The following GRID2 variants were observed in gnomAD, a reference collection of about 807,000 sequenced individuals.
The protein encoded by GRID2 is glutamate receptor ionotropic, delta-2.
A neutral mutation model predicts 114.8 loss-of-function variants in GRID2; 33 were observed. The observed-to-expected ratio is 0.29, with a 90% CI of 0.22 to 0.38. GRID2 has a LOEUF of 0.38. Ranked by LOEUF, GRID2 falls within the 10% of genes least tolerant of loss-of-function variation. The pLI, the probability that GRID2 is intolerant of heterozygous loss-of-function variation, is 1.00. For synonymous variants in GRID2, 505 were observed against 449.9 expected (o/e 1.12, Z -1.55); for missense variants, 1,184 against 1,257.7 (o/e 0.94, Z 0.89).
chr4:92,782,927 T>C (rs745797390), intron 2 of GRID2, among the ~76,000 whole-genome samples: 2 of 152,020 alleles, frequency 1.3e-5, no homozygotes, highest in Non-Finnish European at 2.9e-5. Flanking sequence ...GAACAGAAAA[T>C]GATACCTGTT....
At chr4:93,344,683 T>C (rs1760021730) in intron 8 of GRID2, among the ~76,000 whole-genome samples, 1 of 149,270 alleles carries the variant, frequency 6.7e-6, no homozygotes, top group Admixed American at 6.7e-5. Flanking sequence ...TATATTATTA[T>C]TAACTATAGT....
intron 8 of GRID2, among the ~76,000 whole-genome samples, chr4:93,309,600 G>C (rs1755796468): frequency 6.6e-6 from 1 of 152,000 alleles, no homozygotes; most frequent in South Asian, 2.1e-4. Flanking sequence ...TGAAACTGGA[G>C]AGTCTGCTGC....
At chr4:93,687,567 G>A (rs1189470979) in intron 14 of GRID2, among the ~76,000 whole-genome samples, 2 of 151,976 alleles carry the variant, frequency 1.3e-5, no homozygotes, top group African/African-American at 4.8e-5. Flanking sequence ...ATAGCACCCA[G>A]AGGGCACTTG....
chr4:92,665,761 G>C (rs907628917), intron 2 of GRID2, among the ~76,000 whole-genome samples: 4 of 150,214 alleles, frequency 2.7e-5, no homozygotes, highest in Non-Finnish European at 5.9e-5. Flanking sequence ...TTGCCTTCTA[G>C]ACTGCAGTTT....
At chr4:93,107,806 A>C (rs1732393770) in intron 3 of GRID2, among the ~76,000 whole-genome samples, 1 of 152,116 alleles carries the variant, frequency 6.6e-6, no homozygotes, top group African/African-American at 2.4e-5. Context: ...AATTTAAAAC[A>C]TGCAATCAAA....
intron 2 of GRID2, among the ~76,000 whole-genome samples, chr4:92,745,225 A>G (rs563844717): frequency 1.3e-5 from 2 of 152,340 alleles, no homozygotes; most frequent in African/African-American, 4.8e-5. Context: ...GAAATGACAA[A>G]GTTAAGTGAT....
At chr4:93,689,641 A>G (rs2110111435) in intron 14 of GRID2, among the ~76,000 whole-genome samples, 1 of 152,116 alleles carries the variant, frequency 6.6e-6, no homozygotes, top group Admixed American at 6.6e-5. Flanking sequence ...AAATTACCCT[A>G]TGTAAATACT....
chr4:92,974,122 CA>C (rs1753699319), intron 2 of GRID2, among the ~76,000 whole-genome samples: 1 of 152,152 alleles, frequency 6.6e-6, no homozygotes, highest in African/African-American at 2.4e-5. Flanking sequence ...AAATGCAAAT[CA>C]AAACCACAAT....
At chr4:92,989,394 A>G (rs1754728254) in intron 2 of GRID2, among the ~76,000 whole-genome samples, 1 of 151,828 alleles carries the variant, frequency 6.6e-6, no homozygotes. Context: ...GTATATGTAA[A>G]CATGCAAAAT....
chr4:93,453,359 A>AGTGT (rs1553932534), intron 10 of GRID2, among the ~76,000 whole-genome samples: 6 of 121,320 alleles, frequency 4.9e-5, no homozygotes, highest in South Asian at 2.8e-4. Context: ...AGAGAGAGAG[A>AGTGT]GTGTGTGTAT....
chr4:93,160,500 G>C (rs1251999193), intron 4 of GRID2, among the ~76,000 whole-genome samples: 1 of 151,762 alleles, frequency 6.6e-6, no homozygotes, highest in South Asian at 2.1e-4. Context: ...CTAAAAAATT[G>C]TGTTTTCAGT....
chr4:93,676,289 T>A (rs57491767), intron 14 of GRID2, among the ~76,000 whole-genome samples: 2,106 of 152,332 alleles, frequency 0.014, 55 homozygotes, highest in African/African-American at 0.047. Context: ...TTCTTAAATG[T>A]ATGCTAAATG....
chr4:92,341,693 G>A (rs1727497282), intron 1 of GRID2, among the ~76,000 whole-genome samples: 1 of 152,020 alleles, frequency 6.6e-6, no homozygotes, highest in South Asian at 2.1e-4. Flanking sequence ...GGCCGAGGCG[G>A]GCGGATCACG....
At chr4:92,967,931 C>T (rs1316899350) in intron 2 of GRID2, among the ~76,000 whole-genome samples, 3 of 151,824 alleles carry the variant, frequency 2.0e-5, no homozygotes, top group African/African-American at 7.3e-5. Flanking sequence ...TCTCTATTAG[C>T]ATTCTATCAC....
chr4:93,698,758 ATTAT>A, intron 14 of GRID2, among the ~76,000 whole-genome samples: 1 of 152,198 alleles, frequency 6.6e-6, no homozygotes, highest in East Asian at 1.9e-4. Flanking sequence ...TCTTCACCAC[ATTAT>A]TTAAGGATCA....
chr4:92,602,682 T>C (rs1729273923), intron 2 of GRID2, among the ~76,000 whole-genome samples: 1 of 152,150 alleles, frequency 6.6e-6, no homozygotes, highest in Non-Finnish European at 1.5e-5. Flanking sequence ...CTATTCAACA[T>C]AGTGTTGGAA....
chr4:92,314,823 G>A (rs1376930792), intron 1 of GRID2, among the ~76,000 whole-genome samples: 1 of 152,078 alleles, frequency 6.6e-6, no homozygotes, highest in Non-Finnish European at 1.5e-5. Flanking sequence ...CAAGTCCCAA[G>A]CATTTCAGGT....
At chr4:93,086,990 A>G (rs1342165184) in intron 3 of GRID2, among the ~76,000 whole-genome samples, 2 of 151,794 alleles carry the variant, frequency 1.3e-5, no homozygotes, top group East Asian at 3.9e-4. Flanking sequence ...AGCGGGGAGA[A>G]CAATTTTCAG....
intron 2 of GRID2, among the ~76,000 whole-genome samples, chr4:92,655,110 G>A (rs906766800): frequency 2.0e-5 from 3 of 151,904 alleles, no homozygotes; most frequent in East Asian, 1.9e-4. Flanking sequence ...TCTGCATGTG[G>A]TTATGCAGTT....
Sources: gnomAD v4.1 joint callset for allele counts (sites outside exome capture counted in the v4.1 genomes callset) on GRCh38, gnomAD v4.1.1 for gene constraint, MANE v1.5 for transcripts, NCBI Gene and HGNC (gene_info 2026-07-23, HGNC 2026-07-21) for gene names.